RARRES1: variants seen among roughly 807,000 people sequenced by gnomAD.
The protein encoded by RARRES1 is retinoic acid receptor responder protein 1.
Under a neutral mutation model 30.6 loss-of-function variants are expected in RARRES1, and 34 were observed. The ratio of observed to expected loss-of-function variants is 1.11; its 90% confidence interval spans 0.84 to 1.48. RARRES1 has a LOEUF of 1.48. Ranked by LOEUF, RARRES1 falls within the 40% of genes most tolerant of loss-of-function variation. The pLI is 0.00. For synonymous variants in RARRES1, 153 were observed against 155.5 expected, an observed-to-expected ratio of 0.98 and a Z score of 0.12; for missense variants, 373 against 386.5, an observed-to-expected ratio of 0.97 and a Z score of 0.29.
intron 1 of RARRES1, among the ~76,000 whole-genome samples, chr3:158,721,213 AGG>A (rs1727501562): frequency 6.6e-6 from 1 of 152,148 alleles, no homozygotes; most frequent in Non-Finnish European, 1.5e-5. Flanking sequence ...AGATTAAGTC[AGG>A]GTAGACTTGG....
chr3:158,724,621 G>A (rs1727623113), intron 1 of RARRES1, among the ~76,000 whole-genome samples: 1 of 152,124 alleles, frequency 6.6e-6, no homozygotes, highest in Admixed American at 6.5e-5. Context: ...ACCCATTTCA[G>A]GCTTCTACCC....
rs1023288479 is a variant in RARRES1, at chr3:158,723,533, A to G, written c.276+8607T>C. ...ACAGTTTATGGAACAGAAGTCAGTT[A>G]CCTTCTGATCAGGCCCAGGCAGTGG... On this transcript the variant is annotated intron_variant, in intron 1 of 5. Transcript: ENST00000237696. The surrounding 1 kb of genome is among the most constrained non-coding windows in gnomAD (Gnocchi z 4.4). Among the ~76,000 whole-genome samples, 1 of 152,224 alleles carries G rather than the reference A, an allele frequency of 6.6e-6. No homozygotes were observed. The highest frequency in any genetic ancestry group is 2.4e-5 in the African/African-American group (1 of 41,452).
chr3:158,725,637 A>G (rs73158304), intron 1 of RARRES1, among the ~76,000 whole-genome samples: 18,979 of 152,264 alleles, frequency 0.12, 1,509 homozygotes, highest in Non-Finnish European at 0.19. Context: ...TAAAAAAAAA[A>G]TTGTGGTTTA....
chr3:158,697,518 G>C lies in RARRES1; in HGVS notation c.*160C>G. On this transcript the variant is annotated 3_prime_UTR_variant, in exon 6 of 6. Transcript: ENST00000237696. ...AGAGTTAAAAGCTAAAGCAGACTGA[G>C]AAACAAAAAACCAACATCTTTGCAT... is the stretch of plus-strand genomic sequence containing the variant. 1 of 785,414 alleles carries C rather than the reference G, an allele frequency of 1.3e-6. No homozygotes were observed. 48.7% of individuals were successfully genotyped at this position (785,414 alleles called of 1,614,324 possible). A position where few individuals can be genotyped will look rare whatever the true frequency, so the allele number is the denominator to read the frequency against.
chr3:158,724,072 G>A (rs967570131), intron 1 of RARRES1, among the ~76,000 whole-genome samples: 2 of 152,194 alleles, frequency 1.3e-5, no homozygotes, highest in African/African-American at 4.8e-5. Flanking sequence ...CTTTGACAAA[G>A]CAGCCTATGG....
At chr3:158,715,480 CT>C (rs1285613652) in intron 1 of RARRES1, among the ~76,000 whole-genome samples, 2 of 152,092 alleles carry the variant, frequency 1.3e-5, no homozygotes, top group African/African-American at 4.8e-5. Context: ...GAAAGCCTCA[CT>C]TTTTTGAGAT....
intron 4 of RARRES1, among the ~76,000 whole-genome samples, chr3:158,698,660 T>C (rs906970221): frequency 2.8e-5 from 4 of 142,872 alleles, no homozygotes; most frequent in Non-Finnish European, 3.0e-5. Flanking sequence ...AACTCCATAT[T>C]TTCTTTCTGA....
At chr3:158,704,958 T>C (rs746711724) in intron 3 of RARRES1, 31 bp from the exon 4 acceptor site, 3 of 1,589,068 alleles carry the variant, frequency 1.9e-6, no homozygotes, top group Non-Finnish European at 2.6e-6. Context: ...ACATTTGTAT[T>C]AATGCATTTT....
intron 4 of RARRES1, 101 bp from the exon 5 acceptor site, chr3:158,698,071 C>G: frequency 1.2e-6 from 1 of 817,684 alleles, no homozygotes; most frequent in Non-Finnish European, 1.9e-6. Context: ...GTGTCTCCTA[C>G]TGCCTTTTCG....
chr3:158,711,068 T>G, intron 2 of RARRES1, 135 bp from the exon 3 acceptor site: 1 of 749,184 alleles, frequency 1.3e-6, no homozygotes, highest in Non-Finnish European at 2.2e-6. Context: ...TTTGGTTTAT[T>G]GTGGGTTGTG....
chr3:158,704,210 CTT>C (rs78169321), intron 4 of RARRES1, among the ~76,000 whole-genome samples: 314 of 82,574 alleles, frequency 3.8e-3, no homozygotes, highest in Middle Eastern at 9.3e-3. Context: ...TATTGCAATA[CTT>C]TTTTTTTTTT....
In RARRES1 at chr3:158,697,717, T is replaced by G; in HGVS notation, c.846A>C (p.Glu282Asp). Residue 282 changes from glutamate (E) to aspartate (D), a missense_variant, in exon 6 of 6, where the codon GAA becomes GAC. Glu to Asp is a conservative substitution (Grantham distance 45). Coordinates refer to ENST00000237696, the MANE Select transcript of RARRES1 (RefSeq NM_206963.2). ...GCTCTGTTGGTACTACAGCTGATCCTTCTTCAGTTCCGGAGGCTTCTTCTG... is the reference window on the plus strand; with the variant it reads ...GCTCTGTTGGTACTACAGCTGATCCGTCTTCAGTTCCGGAGGCTTCTTCTG... ...QTPEEASGTEEGSAVVPTELS... is the reference protein window; with the variant it reads ...QTPEEASGTEDGSAVVPTELS... The G allele has an allele frequency of 1.2e-6, 2 of 1,613,620 alleles. No homozygotes were observed. The highest frequency in any genetic ancestry group is 1.7e-6 in the Non-Finnish European group (2 of 1,179,540).
At chr3:158,714,736 A>G (rs1727265077) in intron 1 of RARRES1, among the ~76,000 whole-genome samples, 1 of 152,244 alleles carries the variant, frequency 6.6e-6, no homozygotes, top group South Asian at 2.1e-4. Flanking sequence ...GAGCAAAATG[A>G]TAAATCAGTA....
intron 1 of RARRES1, among the ~76,000 whole-genome samples, chr3:158,727,418 T>C (rs928817951): frequency 2.0e-5 from 3 of 152,184 alleles, no homozygotes; most frequent in Admixed American, 6.5e-5. Context: ...TCCTAAACAA[T>C]AGTGGATTCC....
rs748367320 is a variant in RARRES1, at chr3:158,697,776, T to C, written c.787A>G (p.Lys263Glu). 3 of 1,610,896 alleles carry C rather than the reference T, an allele frequency of 1.9e-6. No individual in the cohort carries two copies. The highest frequency in any genetic ancestry group is 1.7e-6 in the Non-Finnish European group (2 of 1,177,044). Residue 263 changes from lysine (K) to glutamate (E), a missense_variant, in exon 6 of 6, where the codon AAA becomes GAA. Physicochemically the swap from Lys to Glu is moderately conservative, Grantham distance 56. Coordinates refer to ENST00000237696, the MANE Select transcript of RARRES1 (RefSeq NM_206963.2). The stretch of plus-strand genomic sequence containing the variant: ...AGCTCTTGACAGTGGTACTTCACTT[T>C]AAGAGGTTTGCCAGGGTACCAGACC... ...HLVWYPGKPLKVKYHCQELQT... is the reference protein window; with the variant it reads ...HLVWYPGKPLEVKYHCQELQT...
At position 158,710,752 on chromosome 3, in the gene RARRES1, A is replaced by G. The variant is rs373731463; in HGVS notation, c.521T>C (p.Ile174Thr). The change falls in exon 3 of 6, where the codon ATA becomes ACA. Residue 174 changes from isoleucine to threonine, a missense_variant. Ile to Thr is a moderately conservative substitution (Grantham distance 89). Coordinates refer to ENST00000237696, the MANE Select transcript of RARRES1 (RefSeq NM_206963.2). ...CTGATTCATACCAGGTATGCTGACT[A>G]TTTCCAAGGGGTTTTTCAGTTGCTT... ...QMKQLKNPLE[I>T]VSIPDNHGHI... 2.9e-5 allele frequency: 46 copies of G among 1,609,610 alleles called. No individual in the cohort carries two copies. The African/African-American group carries it at 3.9e-4, about 14-fold the overall frequency.
chr3:158,722,107 G>C (rs1447780201), intron 1 of RARRES1, among the ~76,000 whole-genome samples: 6 of 77,464 alleles, frequency 7.7e-5, no homozygotes, highest in Non-Finnish European at 1.4e-4. Context: ...AAAAAAAAAA[G>C]AGTATCCAGA....
chr3:158,704,562 C>T (rs1287408326), intron 4 of RARRES1: 3 of 508,838 alleles, frequency 5.9e-6, no homozygotes, highest in Non-Finnish European at 9.5e-6. Context: ...TTTTTATCTT[C>T]TCTCACTAGA....
rs765159244 is a variant in RARRES1 at position 158,713,879 on chromosome 3, T to C, written c.277-20A>G. On this transcript the variant is annotated intron_variant, in intron 1 of 5. Coordinates refer to ENST00000237696, the MANE Select transcript of RARRES1 (RefSeq NM_206963.2). The stretch of plus-strand genomic sequence containing the variant: ...ATTAATCTGGAACACAGAAACTGAA[T>C]CTTAGTATAGTAGAAGCTCCCTTAA... 1 of 1,604,796 alleles carries C rather than the reference T, an allele frequency of 6.2e-7. No homozygotes were observed. Among genetic ancestry groups the C allele is most frequent in the African/African-American group, 1.3e-5 (1 of 74,652 alleles).
Sources: gnomAD v4.1 joint callset for allele counts (sites outside exome capture counted in the v4.1 genomes callset) on GRCh38, gnomAD v4.1.1 for gene constraint, Gnocchi (gnomAD v3.1) non-coding constraint, MANE v1.5 for transcripts, NCBI Gene and HGNC (gene_info 2026-07-23, HGNC 2026-07-21) for gene names.